Variants in MTA3 observed in about 807,000 individuals in gnomAD.
MTA3 encodes metastasis associated 1 family member 3.
Under a neutral mutation model 83.5 loss-of-function variants are expected in MTA3, and 34 were observed. That is an observed-to-expected ratio of 0.41 (90% confidence interval 0.31 to 0.54). The LOEUF (loss-of-function observed/expected upper bound fraction) is 0.54. Ranked by LOEUF, MTA3 falls within the 20% of genes least tolerant of loss-of-function variation. MTA3 has a pLI of 0.33. For synonymous variants in MTA3, 303 were observed against 252.7 expected (o/e 1.20, Z -1.89); for missense variants, 761 against 726.4 (o/e 1.05, Z -0.55).
intron 2 of MTA3, among the ~76,000 whole-genome samples, chr2:42,513,959 A>G (rs1278833509): frequency 6.6e-6 from 1 of 152,196 alleles, no homozygotes; most frequent in East Asian, 1.9e-4. Context: ...CATGCCTGTA[A>G]TCCTAGCACT....
At chr2:42,561,602 C>G (rs1331972219) in intron 2 of MTA3, among the ~76,000 whole-genome samples, 1 of 152,150 alleles carries the variant, frequency 6.6e-6, no homozygotes, top group African/African-American at 2.4e-5. Flanking sequence ...GGATTACAGG[C>G]GTGAGCCACC....
chr2:42,700,610 A>G (rs1693779912), intron 11 of MTA3, among the ~76,000 whole-genome samples: 1 of 152,112 alleles, frequency 6.6e-6, no homozygotes, highest in South Asian at 2.1e-4. Flanking sequence ...AATATCAGAA[A>G]TTTTCATATT....
chr2:42,586,557 A>AACACACACACACACACACAC (rs68029790), intron 3 of MTA3, among the ~76,000 whole-genome samples: 5 of 126,018 alleles, frequency 4.0e-5, no homozygotes, highest in Admixed American at 2.4e-4. Flanking sequence ...AAGGAAGGAA[A>AACACACACACACACACACAC]ACACACACAC....
Position 42,742,046 on chromosome 2 carries a change from A to G in MTA3, c.1760-11328A>G, listed in dbSNP as rs551140088. ...TGGGAGATGTTCATATTTTCTTTGTATAGGAAATGGGTATATGTTTGCGAA... is the reference window on the plus strand; with the variant it reads ...TGGGAGATGTTCATATTTTCTTTGTGTAGGAAATGGGTATATGTTTGCGAA... On this transcript the variant is annotated intron_variant, in intron 16 of 16. Transcript: ENST00000405094. 1.5e-3 allele frequency among the ~76,000 whole-genome samples: 221 copies of G among 152,344 alleles called. 2 individuals are homozygous for G. Among genetic ancestry groups the G allele is most frequent in the Non-Finnish European group, 2.7e-3 (184 of 68,042 alleles).
In MTA3 at chr2:42,647,830, A is replaced by G. The variant is rs746402333; in HGVS notation, c.499+3586A>G. ...GTAATCAGGCAACTGAGTAGATGCA[A>G]GGTTTAAAGAACTCTTCTTTTTTTT... On this transcript the variant is annotated intron_variant, in intron 6 of 16. Transcript: ENST00000405094. Among the ~76,000 whole-genome samples the G allele has an allele frequency of 8.2e-4, 125 of 152,250 alleles. No homozygotes were observed. The Middle Eastern group carries it at 0.014, about 17-fold the overall frequency.
chr2:42,552,957 TAA>T (rs765193351), intron 2 of MTA3, among the ~76,000 whole-genome samples: 1,996 of 123,900 alleles, frequency 0.016, 47 homozygotes, highest in African/African-American at 0.053. Context: ...CTCAAAAAAT[TAA>T]AAAAAAAAAA....
At chr2:42,576,758 A>G (rs1183210027) in intron 2 of MTA3, among the ~76,000 whole-genome samples, 2 of 152,094 alleles carry the variant, frequency 1.3e-5, no homozygotes, top group Non-Finnish European at 2.9e-5. Flanking sequence ...TTAGCCGGGC[A>G]TGGTGGCGCA....
chr2:42,625,539 G>T (rs1216059426), intron 4 of MTA3, among the ~76,000 whole-genome samples: 1 of 150,462 alleles, frequency 6.6e-6, no homozygotes, highest in Non-Finnish European at 1.5e-5. Flanking sequence ...GAGGTCAGGA[G>T]ATTGAGACCA....
chr2:42,741,369 T>A (rs1669012818), intron 16 of MTA3, among the ~76,000 whole-genome samples: 1 of 152,206 alleles, frequency 6.6e-6, no homozygotes, highest in South Asian at 2.1e-4. Context: ...ACTCTTAATT[T>A]CCTTCAAGAA....
At chr2:42,651,880 G>C (rs1368512760) in intron 6 of MTA3, among the ~76,000 whole-genome samples, 1 of 151,742 alleles carries the variant, frequency 6.6e-6, no homozygotes, top group Non-Finnish European at 1.5e-5. Flanking sequence ...GATCGCCTGA[G>C]GTCAGGAGTT....
At chr2:42,573,136 G>T (rs1413602974) in intron 2 of MTA3, among the ~76,000 whole-genome samples, 7 of 152,164 alleles carry the variant, frequency 4.6e-5, no homozygotes, top group Non-Finnish European at 8.8e-5. Flanking sequence ...TTTTCCTCCA[G>T]ACTTCTCTGA....
intron 5 of MTA3, 56 bp from the exon 6 acceptor site, chr2:42,644,071 C>T (rs1334732781): frequency 2.8e-6 from 3 of 1,065,680 alleles, no homozygotes; most frequent in Non-Finnish European, 2.7e-6. Context: ...GATTTTAATG[C>T]TTTATAAGAA....
chr2:42,717,612 C>T (rs551778817), intron 14 of MTA3, among the ~76,000 whole-genome samples: 2 of 152,208 alleles, frequency 1.3e-5, no homozygotes, highest in Non-Finnish European at 2.9e-5. Flanking sequence ...CCCATCCTCA[C>T]TGTTTCTTAC....
intron 15 of MTA3, among the ~76,000 whole-genome samples, chr2:42,722,426 CT>C (rs1454360591): frequency 1.3e-5 from 2 of 152,138 alleles, no homozygotes; most frequent in African/African-American, 4.8e-5. Flanking sequence ...CATACTCTGT[CT>C]GGTTGCAGAG....
chr2:42,582,505 T>TGG (rs1159610475), intron 3 of MTA3, among the ~76,000 whole-genome samples: 2 of 152,194 alleles, frequency 1.3e-5, no homozygotes, highest in Non-Finnish European at 2.9e-5. Context: ...AGCAATATCT[T>TGG]GGCCAGGAGT....
At chr2:42,504,779 G>A (rs1674553926) in intron 2 of MTA3, among the ~76,000 whole-genome samples, 1 of 151,988 alleles carries the variant, frequency 6.6e-6, no homozygotes. Context: ...TTACAGGCGT[G>A]AGCTACCACA....
chr2:42,755,611 T>C lies in MTA3; in HGVS notation c.*2212T>C. ...CCCTTTGTCTCTGGAAACTGCCCCC[T>C]CGTTCTGACAGAATCCCCCAGGCAA... On this transcript the variant is annotated 3_prime_UTR_variant, in exon 17 of 17. Coordinates refer to ENST00000405094, the MANE Select transcript of MTA3 (RefSeq NM_001330442.2). 1.0e-6 allele frequency: 1 copy of C among 985,614 alleles called. No homozygotes were observed. Among genetic ancestry groups the C allele is most frequent in the Non-Finnish European group, 1.2e-6 (1 of 830,056 alleles). 61.1% of individuals were successfully genotyped at this position (985,614 alleles called of 1,614,324 possible). A position where few individuals can be genotyped will look rare whatever the true frequency, so the allele number is the denominator to read the frequency against.
Position 42,753,573 on chromosome 2 carries a change from A to T in MTA3, c.*174A>T. On this transcript the variant is annotated 3_prime_UTR_variant, in exon 17 of 17. Transcript: ENST00000405094. The stretch of plus-strand genomic sequence containing the variant: ...AGGAACTGTGGGAGTGCACGTTCCA[A>T]ATCCTGTGTCTCCACGTGTGGATCA... 1 of 1,434,946 alleles carries T rather than the reference A, an allele frequency of 7.0e-7. No homozygotes were observed. The highest frequency in any genetic ancestry group is 9.1e-7 in the Non-Finnish European group (1 of 1,093,780). 88.9% of individuals were successfully genotyped at this position (1,434,946 alleles called of 1,614,324 possible). A position where few individuals can be genotyped will look rare whatever the true frequency, so the allele number is the denominator to read the frequency against.
chr2:42,755,208 A>T lies in MTA3; in HGVS notation c.*1809A>T. The T allele has an allele frequency of 1.0e-6, 1 of 985,382 alleles. No individual in the cohort carries two copies. The highest frequency in any genetic ancestry group is 1.2e-6 in the Non-Finnish European group (1 of 829,932). 61.0% of individuals were successfully genotyped at this position (985,382 alleles called of 1,614,324 possible). ...TCTGTCTGTACCCTGCTCTGGATTTATTGTCGTACTTGGACCCAGAAGGGG... is the reference window on the plus strand; with the variant it reads ...TCTGTCTGTACCCTGCTCTGGATTTTTTGTCGTACTTGGACCCAGAAGGGG... On this transcript the variant is annotated 3_prime_UTR_variant, in exon 17 of 17. Coordinates refer to ENST00000405094, the MANE Select transcript of MTA3 (RefSeq NM_001330442.2).
Sources: gnomAD v4.1 joint callset for allele counts (sites outside exome capture counted in the v4.1 genomes callset) on GRCh38, gnomAD v4.1.1 for gene constraint, MANE v1.5 for transcripts, NCBI Gene and HGNC (gene_info 2026-07-23, HGNC 2026-07-21) for gene names.